The following EIF2D variants were observed in gnomAD, a reference collection of about 807,000 sequenced individuals.
EIF2D encodes the protein eukaryotic translation initiation factor 2D.
Under a neutral mutation model 77.4 loss-of-function variants are expected in EIF2D, and 56 were observed. The ratio of observed to expected loss-of-function variants is 0.72; its 90% confidence interval spans 0.58 to 0.90. EIF2D has a LOEUF of 0.90. EIF2D is among the 40% of genes least tolerant of loss of function. The pLI is 0.00. For synonymous variants in EIF2D, 230 were observed against 271.0 expected, an observed-to-expected ratio of 0.85 and a Z score of 1.49; for missense variants, 574 against 706.5, an observed-to-expected ratio of 0.81 and a Z score of 2.13.
In EIF2D at chr1:206,593,649, G is replaced by A. The variant is rs868941789; in HGVS notation, c.1654C>T (p.Gln552Ter). ...DSLQVQIQGN[Q>*]VHHLGWLLLE... Reference sequence around the variant, plus strand: ...AATAGCCAGCCGAGGTGGTGGACCTGGTTTCCCTGGATCTGCACCTGAAGG... The same window carrying A: ...AATAGCCAGCCGAGGTGGTGGACCTAGTTTCCCTGGATCTGCACCTGAAGG... The change falls in exon 14 of 15, where the codon CAG becomes TAG. Residue 552 changes from glutamine to a stop codon, truncating the protein, a stop_gained. Coordinates refer to ENST00000271764, the MANE Select transcript of EIF2D (RefSeq NM_006893.3). LOFTEE classifies it high-confidence loss of function. 6.2e-7 allele frequency: 1 copy of A among 1,610,966 alleles called. No homozygotes were observed. The highest frequency in any genetic ancestry group is 1.3e-5 in the African/African-American group (1 of 74,816).
At chr1:206,605,086 G>A (rs782677832) in intron 5 of EIF2D, 104 of 197,598 alleles carry the variant, frequency 5.3e-4, no homozygotes, top group Admixed American at 3.9e-4. Context: ...AATGTGCATC[G>A]CAGCTAGGGC....
chr1:206,611,536 A>T (rs1227839280), intron 1 of EIF2D, among the ~76,000 whole-genome samples, 162 bp from the exon 2 acceptor site: 1 of 151,832 alleles, frequency 6.6e-6, no homozygotes, highest in East Asian at 1.9e-4. Flanking sequence ...AACATCCTAA[A>T]CTCTTTTTCA....
intron 6 of EIF2D, 112 bp from the exon 7 acceptor site, chr1:206,602,565 C>T: frequency 1.1e-6 from 1 of 934,730 alleles, no homozygotes; most frequent in African/African-American, 1.6e-5. Context: ...TGAAAGGAAC[C>T]CATTCCCAGG....
chr1:206,583,412 G>A, intron 2 of EIF2D: 2 of 1,444,250 alleles, frequency 1.4e-6, no homozygotes, highest in South Asian at 1.1e-5. Context: ...CCTGGCCCCT[G>A]CTCCACCACC....
downstream of EIF2D, among the ~76,000 whole-genome samples, chr1:206,590,630 G>C (rs1426150865): frequency 6.6e-6 from 1 of 152,174 alleles, no homozygotes; most frequent in South Asian, 2.1e-4. Flanking sequence ...TTACTCATGA[G>C]TAAAAAGGTC....
At chr1:206,606,936 C>T (rs1036890325) in intron 4 of EIF2D, among the ~76,000 whole-genome samples, 6 of 152,172 alleles carry the variant, frequency 3.9e-5, no homozygotes, top group African/African-American at 1.4e-4. Context: ...TGTAGGAAAA[C>T]AGAAAATACA....
At chr1:206,591,244 C>A (rs1215524036), downstream of EIF2D, among the ~76,000 whole-genome samples, 1 of 152,200 alleles carries the variant, frequency 6.6e-6, no homozygotes, top group Non-Finnish European at 1.5e-5. Context: ...AAACCCACGT[C>A]CTAATATGCC....
Position 206,592,712 on chromosome 1 carries a change from A to C in EIF2D, c.1685-867T>G, listed in dbSNP as rs1234346147. Among the ~76,000 whole-genome samples, 15 of 152,208 alleles carry C rather than the reference A, an allele frequency of 9.9e-5. No individual in the cohort carries two copies. Among genetic ancestry groups the C allele is most frequent in the Non-Finnish European group, 2.9e-5 (2 of 68,034 alleles). Reference sequence around the variant, plus strand: ...TTTTTTAGAAGGGAGTGATGTGATCATATTTGTTTAAGAAAGCTGACTCAG... The same window carrying C: ...TTTTTTAGAAGGGAGTGATGTGATCCTATTTGTTTAAGAAAGCTGACTCAG... On this transcript the variant is annotated intron_variant, in intron 14 of 14. Coordinates refer to ENST00000271764, the MANE Select transcript of EIF2D (RefSeq NM_006893.3). This position sits in a 1 kb window ranked among gnomAD's most constrained non-coding sequence, Gnocchi z 4.7.
intron 13 of EIF2D, chr1:206,595,000 T>C: frequency 6.6e-6 from 1 of 152,168 alleles, no homozygotes; most frequent in East Asian, 1.9e-4. Context: ...CTTCATTTGA[T>C]CCTCACAATG....
chr1:206,583,208 T>C, intron 2 of EIF2D: 1 of 1,122,250 alleles, frequency 8.9e-7, no homozygotes, highest in Non-Finnish European at 1.4e-6. Flanking sequence ...AGGGCGTGGT[T>C]GTTCCCTTTC....
At chr1:206,603,385 T>G (rs543365227) in intron 5 of EIF2D, 181 bp from the exon 6 acceptor site, 7 of 683,774 alleles carry the variant, frequency 1.0e-5, no homozygotes, top group South Asian at 2.4e-5. Context: ...CCCCTAAAAG[T>G]TCCATGCCTC....
chr1:206,602,193 A>G (rs1553411404), intron 7 of EIF2D, 143 bp downstream of exon 7: 1 of 613,050 alleles, frequency 1.6e-6, no homozygotes, highest in East Asian at 2.8e-5. Context: ...GAACTAATGT[A>G]TTTGTCAGAT....
chr1:206,574,177 G>C (rs1668551714), intron 4 of EIF2D, among the ~76,000 whole-genome samples: 1 of 152,238 alleles, frequency 6.6e-6, no homozygotes, highest in Non-Finnish European at 1.5e-5. Context: ...TCACCTCAAA[G>C]AGCAGGGGAC....
chr1:206,593,502 A>AGTGTGTGTGTGCGTGTGTGT (rs1433622439), intron 14 of EIF2D, 117 bp downstream of exon 14: 2 of 428,074 alleles, frequency 4.7e-6, no homozygotes, highest in Non-Finnish European at 7.1e-6. Context: ...AGAGAGAGAG[A>AGTGTGTGTGTGCGTGTGTGT]GAGAGAGTGT....
At chr1:206,609,031 AAC>A (rs1446879044) in intron 3 of EIF2D, among the ~76,000 whole-genome samples, 1 of 152,078 alleles carries the variant, frequency 6.6e-6, no homozygotes, top group Non-Finnish European at 1.5e-5. Context: ...CAGCCTGAGC[AAC>A]AGAGTGAGAC....
exon 3 of EIF2D, chr1:206,581,131 A>G (rs1553406217): frequency 1.3e-5 from 2 of 152,282 alleles, no homozygotes; most frequent in Non-Finnish European, 2.9e-5. Context: ...GACCACAGGC[A>G]TGTTTCTTAA....
chr1:206,596,936 C>A (rs549633392), intron 12 of EIF2D, among the ~76,000 whole-genome samples, 164 bp downstream of exon 12: 1 of 151,994 alleles, frequency 6.6e-6, no homozygotes, highest in South Asian at 2.1e-4. Context: ...TTCCAAAGAC[C>A]CCCCAAATCA....
chr1:206,590,010 T>G (rs566379894), downstream of EIF2D, among the ~76,000 whole-genome samples: 5 of 152,248 alleles, frequency 3.3e-5, no homozygotes, highest in Non-Finnish European at 7.3e-5. Flanking sequence ...TTTCTGCTTT[T>G]CATTGAATCT....
At chr1:206,610,530 T>C (rs550376710) in intron 2 of EIF2D, among the ~76,000 whole-genome samples, 1 of 151,386 alleles carries the variant, frequency 6.6e-6, no homozygotes, top group Non-Finnish European at 1.5e-5. Context: ...AAAAAATATA[T>C]ATATTTTTGG....
Sources: gnomAD v4.1 joint callset for allele counts (sites outside exome capture counted in the v4.1 genomes callset) on GRCh38, gnomAD v4.1.1 for gene constraint, Gnocchi (gnomAD v3.1) non-coding constraint, MANE v1.5 for transcripts, NCBI Gene and HGNC (gene_info 2026-07-23, HGNC 2026-07-21) for gene names.